GFRA1: variants seen among roughly 807,000 people sequenced by gnomAD.
GFRA1 encodes the protein GDNF family receptor alpha 1.
Under a neutral mutation model 51.6 loss-of-function variants are expected in GFRA1, and 16 were observed. The ratio of observed to expected loss-of-function variants is 0.31; its 90% CI spans 0.21 to 0.47. The LOEUF is 0.47. Among genes scored for constraint, GFRA1 ranks in the 20% least tolerant of loss-of-function variants. GFRA1 has a pLI of 1.00. For missense variants in GFRA1, 530 were observed against 594.3 expected (o/e 0.89, Z 1.13); for synonymous variants, 270 against 241.3 (o/e 1.12, Z -1.10).
Position 116,057,168 on chromosome 10 carries a change from G to A in GFRA1, c.*7230C>T, listed in dbSNP as rs1954583068. 6.6e-6 allele frequency: 1 copy of A among 152,214 alleles called. No individual in the cohort carries two copies. Among genetic ancestry groups the A allele is most frequent in the Non-Finnish European group, 1.5e-5 (1 of 68,048 alleles). 9.4% of individuals were successfully genotyped at this position (152,214 alleles called of 1,614,324 possible). ...AGGCAGCCATGTGGGAGTGACCCCA[G>A]GAGAATGCTCCGGTGTCCTCTGGAA... On this transcript the variant is annotated 3_prime_UTR_variant, in exon 11 of 11. Transcript: ENST00000355422.
chr10:116,236,125 G>A (rs972736391), intron 4 of GFRA1, among the ~76,000 whole-genome samples: 5 of 152,076 alleles, frequency 3.3e-5, no homozygotes, highest in African/African-American at 1.2e-4. Flanking sequence ...TTGCTTTGGC[G>A]ATTGCTACAA....
Position 116,081,847 on chromosome 10 carries a change from T to G in GFRA1, c.1197+7894A>C, listed in dbSNP as rs561850504. Among the ~76,000 whole-genome samples the G allele has an allele frequency of 2.9e-3, 440 of 152,366 alleles. 2 individuals are homozygous for G. Among genetic ancestry groups the G allele is most frequent in the Non-Finnish European group, 5.3e-3 (360 of 68,050 alleles). On this transcript the variant is annotated intron_variant, in intron 9 of 10. Coordinates refer to ENST00000355422, the MANE Select transcript of GFRA1 (RefSeq NM_005264.8). ...TTTATGGTTTTAATTTTAATATTTA[T>G]ATATTGATTTTAATATAGAGAAAGC... is the stretch of plus-strand genomic sequence containing the variant.
chr10:116,088,263 T>C (rs1431091444), intron 9 of GFRA1, among the ~76,000 whole-genome samples: 1 of 148,002 alleles, frequency 6.8e-6, no homozygotes, highest in Non-Finnish European at 1.5e-5. Flanking sequence ...AGAAGGCATC[T>C]TGTGAGAATT....
At chr10:116,135,121 G>A (rs1271792601) in intron 5 of GFRA1, among the ~76,000 whole-genome samples, 1 of 152,166 alleles carries the variant, frequency 6.6e-6, no homozygotes, top group African/African-American at 2.4e-5. Context: ...CAGGTGAGGC[G>A]CCTGGTAAGG....
chr10:116,169,432 C>A (rs1348615342), intron 5 of GFRA1, among the ~76,000 whole-genome samples: 1 of 152,240 alleles, frequency 6.6e-6, no homozygotes, highest in African/African-American at 2.4e-5. Flanking sequence ...CTTCACATCC[C>A]TGTTTTCCCG....
At chr10:116,192,827 T>C (rs994821022) in intron 5 of GFRA1, among the ~76,000 whole-genome samples, 1 of 152,202 alleles carries the variant, frequency 6.6e-6, no homozygotes, top group African/African-American at 2.4e-5. Flanking sequence ...TAAGAGATGA[T>C]TCCCTTTCAT....
At chr10:116,165,612 G>A (rs990650937) in intron 5 of GFRA1, among the ~76,000 whole-genome samples, 2 of 151,482 alleles carry the variant, frequency 1.3e-5, no homozygotes, top group South Asian at 2.1e-4. Context: ...TAGTTGTTCT[G>A]CCTTGGTGTC....
chr10:116,121,602 T>C (rs528166060), intron 6 of GFRA1, among the ~76,000 whole-genome samples: 102 of 152,330 alleles, frequency 6.7e-4, no homozygotes, highest in Non-Finnish European at 1.2e-3. Flanking sequence ...TTGGAAAATA[T>C]TAAATTCAGG....
At chr10:116,082,590 C>T (rs1955899101) in intron 9 of GFRA1, among the ~76,000 whole-genome samples, 1 of 152,102 alleles carries the variant, frequency 6.6e-6, no homozygotes, top group African/African-American at 2.4e-5. Flanking sequence ...AAGCGATTCT[C>T]CTGCTTCAGC....
At chr10:116,260,366 G>A (rs1969208530) in intron 4 of GFRA1, among the ~76,000 whole-genome samples, 1 of 152,162 alleles carries the variant, frequency 6.6e-6, no homozygotes. Context: ...GCACATGTGA[G>A]CAGGCAGATA....
Position 116,139,046 on chromosome 10 carries a change from G to A in GFRA1, c.434-13489C>T, listed in dbSNP as rs555013799. ...GTAAATTCAGCAGTATTCTCGTGGT[G>A]TTGGGCACCAAGCCACCTCTCCACA... On this transcript the variant is annotated intron_variant, in intron 5 of 10. Coordinates refer to ENST00000355422, the MANE Select transcript of GFRA1 (RefSeq NM_005264.8). Among the ~76,000 whole-genome samples, 3 of 152,318 alleles carry A rather than the reference G, an allele frequency of 2.0e-5. No individual in the cohort carries two copies. In the South Asian group the frequency reaches 6.2e-4, roughly 32 times the overall value.
At position 116,272,198 on chromosome 10, in the gene GFRA1, A is replaced by G. The variant is rs549145797; in HGVS notation, c.-169T>C. On this transcript the variant is annotated 5_prime_UTR_variant, in exon 2 of 11. Coordinates refer to ENST00000355422, the MANE Select transcript of GFRA1 (RefSeq NM_005264.8). This position sits in a 1 kb window ranked among gnomAD's most constrained non-coding sequence, Gnocchi z 4.4. ...GGAAACTCCGGGTCTGGCAGCAGCC[A>G]CCGCCGCCGGCGACTCAGCTCCGGG... 163 of 674,910 alleles carry G rather than the reference A, an allele frequency of 2.4e-4. No homozygotes were observed. In the African/African-American group the frequency reaches 2.5e-3, roughly 10 times the overall value. 41.8% of individuals were successfully genotyped at this position (674,910 alleles called of 1,614,324 possible).
chr10:116,195,563 C>T (rs1037365809), intron 5 of GFRA1, among the ~76,000 whole-genome samples: 2 of 152,238 alleles, frequency 1.3e-5, no homozygotes, highest in African/African-American at 2.4e-5. Flanking sequence ...AATGCCACTG[C>T]TGATCTGACA....
In GFRA1 at chr10:116,064,329, A is replaced by T; in HGVS notation, c.*69T>A. On this transcript the variant is annotated 3_prime_UTR_variant, in exon 11 of 11. Transcript: ENST00000355422. ...TCCTAAACTGGAATTTCAGCTATAC[A>T]AGAGAACAGGAAACAGATAACTTGG... 1 of 1,381,480 alleles carries T rather than the reference A, an allele frequency of 7.2e-7. No individual in the cohort carries two copies. The allele number at this position is 1,381,480 out of a possible 1,614,324, so 85.6% of individuals were successfully genotyped here.
chr10:116,229,262 G>A (rs1053302983), intron 4 of GFRA1, among the ~76,000 whole-genome samples: 2 of 152,122 alleles, frequency 1.3e-5, no homozygotes, highest in Admixed American at 1.3e-4. Context: ...GTGAGGCAAT[G>A]AGGGCAAGTG....
At chr10:116,179,528 G>A (rs1961999585) in intron 5 of GFRA1, among the ~76,000 whole-genome samples, 1 of 152,172 alleles carries the variant, frequency 6.6e-6, no homozygotes, top group African/African-American at 2.4e-5. Context: ...TTAAACCTGG[G>A]TGTTCTCGTT....
chr10:116,079,078 G>A (rs923944386), intron 9 of GFRA1, among the ~76,000 whole-genome samples: 10 of 151,988 alleles, frequency 6.6e-5, no homozygotes, highest in Non-Finnish European at 7.4e-5. Flanking sequence ...CATCCAGCGC[G>A]CTGGATGCGT....
At chr10:116,148,799 C>T (rs996589894) in intron 5 of GFRA1, among the ~76,000 whole-genome samples, 1 of 151,602 alleles carries the variant, frequency 6.6e-6, no homozygotes, top group Non-Finnish European at 1.5e-5. Flanking sequence ...TTCCAGGGCA[C>T]GAAGAAAAGA....
intron 4 of GFRA1, among the ~76,000 whole-genome samples, chr10:116,242,188 G>A (rs1283053590): frequency 3.3e-5 from 5 of 152,166 alleles, no homozygotes; most frequent in African/African-American, 7.2e-5. Flanking sequence ...AACCCTGTGC[G>A]TTGGCAATTG....
Sources: allele counts gnomAD v4.1 joint callset (sites outside exome capture counted in the v4.1 genomes callset), GRCh38; gene constraint gnomAD v4.1.1; non-coding constraint Gnocchi (gnomAD v3.1); transcripts MANE v1.5; gene names NCBI Gene and HGNC (gene_info 2026-07-23, HGNC 2026-07-21).